The following KCNQ5 variants were observed in gnomAD, a reference collection of about 807,000 sequenced individuals.
KCNQ5 encodes potassium voltage-gated channel subfamily KQT member 5.
A neutral mutation model predicts 98.2 loss-of-function variants in KCNQ5; 30 were observed. The ratio of observed to expected loss-of-function variants is 0.31; its 90% CI spans 0.23 to 0.41. KCNQ5 has a LOEUF of 0.41. Ranked by LOEUF, KCNQ5 falls within the 10% of genes least tolerant of loss-of-function variation. The pLI is 1.00. For synonymous variants in KCNQ5, 458 were observed against 449.4 expected (o/e 1.02, Z -0.24); for missense variants, 835 against 1,182.5 (o/e 0.71, Z 4.31).
intron 1 of KCNQ5, among the ~76,000 whole-genome samples, chr6:72,743,014 G>A (rs964810424): frequency 3.9e-5 from 6 of 152,122 alleles, no homozygotes; most frequent in Non-Finnish European, 7.3e-5. Context: ...CTTTTTAGGG[G>A]TGAATATTGT....
intron 1 of KCNQ5, among the ~76,000 whole-genome samples, chr6:72,919,246 C>G (rs113073016): frequency 0.014 from 2,123 of 152,268 alleles, 48 homozygotes; most frequent in African/African-American, 0.049. Context: ...AGAGGGTCAC[C>G]TAGACTACTC....
At chr6:73,006,506 A>G (rs542406853) in intron 2 of KCNQ5, among the ~76,000 whole-genome samples, 1 of 151,998 alleles carries the variant, frequency 6.6e-6, no homozygotes, top group Non-Finnish European at 1.5e-5. Flanking sequence ...CACAAAAATT[A>G]TCTGGGTGTG....
At chr6:72,647,859 G>A (rs959516086) in intron 1 of KCNQ5, among the ~76,000 whole-genome samples, 2 of 152,162 alleles carry the variant, frequency 1.3e-5, no homozygotes, top group Non-Finnish European at 2.9e-5. Context: ...GTAGTAGAAT[G>A]TAATGTTGAC....
intron 1 of KCNQ5, among the ~76,000 whole-genome samples, chr6:72,890,128 T>TAA (rs1779002240): frequency 7.1e-6 from 1 of 140,868 alleles, no homozygotes; most frequent in Non-Finnish European, 1.5e-5. Context: ...TGTTGAAACA[T>TAA]AATTGATATA....
chr6:73,133,369 A>T, intron 9 of KCNQ5, 52 bp from the exon 10 acceptor site: 1 of 1,533,132 alleles, frequency 6.5e-7, no homozygotes, highest in Non-Finnish European at 9.0e-7. Flanking sequence ...TTACCCAAGC[A>T]AAGTGGAAGA....
intron 3 of KCNQ5, among the ~76,000 whole-genome samples, chr6:73,071,178 A>C (rs1036751617): frequency 6.6e-6 from 1 of 152,184 alleles, no homozygotes; most frequent in African/African-American, 2.4e-5. Flanking sequence ...AACAGTAAAC[A>C]TTAGATTTAC....
chr6:72,816,305 G>A (rs1775507059), intron 1 of KCNQ5, among the ~76,000 whole-genome samples: 1 of 152,208 alleles, frequency 6.6e-6, no homozygotes, highest in Admixed American at 6.5e-5. Flanking sequence ...AACAGGTGGT[G>A]AGCAAGTAGA....
intron 3 of KCNQ5, among the ~76,000 whole-genome samples, chr6:73,058,520 C>T (rs1457294666): frequency 1.3e-5 from 2 of 152,108 alleles, no homozygotes; most frequent in Non-Finnish European, 2.9e-5. Flanking sequence ...AAAGCGATTG[C>T]AGCAAAAACA....
chr6:72,972,308 G>A (rs776108347), intron 1 of KCNQ5, among the ~76,000 whole-genome samples: 1 of 151,786 alleles, frequency 6.6e-6, no homozygotes, highest in Non-Finnish European at 1.5e-5. Flanking sequence ...ATATCTACTT[G>A]CCATTAAATA....
At chr6:72,876,124 A>G (rs1562040459) in intron 1 of KCNQ5, among the ~76,000 whole-genome samples, 1 of 151,998 alleles carries the variant, frequency 6.6e-6, no homozygotes, top group Non-Finnish European at 1.5e-5. Flanking sequence ...ATTTGTCTCT[A>G]AATTATTATC....
chr6:72,785,016 T>C (rs1199792236), intron 1 of KCNQ5, among the ~76,000 whole-genome samples: 4 of 152,192 alleles, frequency 2.6e-5, no homozygotes, highest in Non-Finnish European at 4.4e-5. Context: ...TCAAAGATTA[T>C]GCAGCCAGAG....
intron 10 of KCNQ5, among the ~76,000 whole-genome samples, chr6:73,159,273 A>C (rs2150491534): frequency 6.6e-6 from 1 of 152,334 alleles, no homozygotes; most frequent in South Asian, 2.1e-4. Context: ...ACATGTTCTC[A>C]CTTTTAAGTG....
intron 3 of KCNQ5, among the ~76,000 whole-genome samples, chr6:73,061,840 C>G (rs551552596): frequency 1.3e-5 from 2 of 152,186 alleles, no homozygotes; most frequent in African/African-American, 4.8e-5. Flanking sequence ...TGGTAGCAAA[C>G]AGAATCATAA....
At chr6:72,659,469 T>C (rs1258895837) in intron 1 of KCNQ5, among the ~76,000 whole-genome samples, 4 of 152,220 alleles carry the variant, frequency 2.6e-5, no homozygotes, top group Non-Finnish European at 5.9e-5. Flanking sequence ...AATTTATAAA[T>C]AATACAAATT....
At chr6:72,823,171 G>C (rs958495999) in intron 1 of KCNQ5, among the ~76,000 whole-genome samples, 2 of 152,068 alleles carry the variant, frequency 1.3e-5, no homozygotes, top group Non-Finnish European at 2.9e-5. Context: ...TTGAAACTAC[G>C]TGTAATACTT....
intron 2 of KCNQ5, among the ~76,000 whole-genome samples, chr6:73,017,538 A>G (rs916081594): frequency 1.3e-5 from 2 of 152,162 alleles, no homozygotes; most frequent in Admixed American, 6.5e-5. Flanking sequence ...AACTAAAGTG[A>G]GAAGACACAT....
intron 1 of KCNQ5, among the ~76,000 whole-genome samples, chr6:72,969,768 G>A (rs1005119736): frequency 1.1e-4 from 16 of 151,802 alleles, no homozygotes; most frequent in Admixed American, 7.9e-4. Flanking sequence ...CAACTATTGC[G>A]GCTCTTTCCC....
intron 1 of KCNQ5, among the ~76,000 whole-genome samples, chr6:72,782,278 T>A (rs1773519826): frequency 6.6e-6 from 1 of 151,900 alleles, no homozygotes; most frequent in South Asian, 2.1e-4. Flanking sequence ...CACAAGAGCT[T>A]TCAGGTACAT....
chr6:72,760,308 G>T (rs1772199245), intron 1 of KCNQ5, among the ~76,000 whole-genome samples: 1 of 152,162 alleles, frequency 6.6e-6, no homozygotes, highest in Non-Finnish European at 1.5e-5. Context: ...CCTGGGTAAA[G>T]TTTTAAGAGC....
Sources: gnomAD v4.1 joint callset for allele counts (sites outside exome capture counted in the v4.1 genomes callset) on GRCh38, gnomAD v4.1.1 for gene constraint, MANE v1.5 for transcripts, NCBI Gene and HGNC (gene_info 2026-07-23, HGNC 2026-07-21) for gene names.